CRLF2: variants seen among roughly 807,000 people sequenced by gnomAD.
CRLF2 encodes the protein cytokine receptor-like factor 2.
In CRLF2, 41 loss-of-function variants were observed where a neutral mutation model predicts 38.7. The ratio of observed to expected loss-of-function variants is 1.06; its 90% confidence interval spans 0.83 to 1.37. The LOEUF is 1.37. CRLF2 is among the 40% of genes most tolerant of loss of function. The pLI is 0.00. For missense variants in CRLF2, 377 were observed against 322.2 expected (o/e 1.17, Z -1.30); for synonymous variants, 140 against 128.8 (o/e 1.09, Z -0.59).
At chrX:1,205,112 C>G (rs1172784903) in intron 3 of CRLF2, among the ~76,000 whole-genome samples, 39 of 152,338 alleles carry the variant, frequency 2.6e-4, no homozygotes, top group Admixed American at 3.9e-4. Flanking sequence ...CAGGCGTGAG[C>G]CACCGCGCCC....
rs1367953719 is a variant in CRLF2 at position 1,190,515 on chromosome X, C to T, written c.*382G>A. The T allele has an allele frequency of 4.9e-4, 128 of 262,666 alleles. No individual in the cohort carries two copies. The highest frequency in any genetic ancestry group is 6.9e-4 in the Non-Finnish European group (96 of 139,118). The allele number at this position is 262,666 out of a possible 1,614,324, so 16.3% of individuals were successfully genotyped here. On this transcript the variant is annotated 3_prime_UTR_variant, in exon 8 of 8. Transcript: ENST00000400841. ...GTCTCAAAACAGACAAAAAATCCTCCGAGAATCCAATGCTATGGGAATGGT... is the reference window on the plus strand; with the variant it reads ...GTCTCAAAACAGACAAAAAATCCTCTGAGAATCCAATGCTATGGGAATGGT...
At chrX:1,202,590 A>G in intron 3 of CRLF2, 55 bp from the exon 4 acceptor site, 4 of 1,609,306 alleles carry the variant, frequency 2.5e-6, no homozygotes, top group Non-Finnish European at 3.4e-6. Flanking sequence ...TGATTGTGAC[A>G]GGCTGACCTC....
In CRLF2 at chrX:1,208,945, C is replaced by A. The variant is rs1462885226; in HGVS notation, c.80-37G>T. On this transcript the variant is annotated intron_variant, in intron 1 of 7. Coordinates refer to ENST00000400841, the MANE Select transcript of CRLF2 (RefSeq NM_022148.4). ...GAGACGCATGAAGTTCACGGTGAGG[C>A]AACTCTATTTTTTTATTTTTTTAAA... 8 of 1,124,068 alleles carry A rather than the reference C, an allele frequency of 7.1e-6. No homozygotes were observed. The East Asian group carries it at 1.9e-4, about 26-fold the overall frequency. 69.6% of individuals were successfully genotyped at this position (1,124,068 alleles called of 1,614,324 possible).
intron 7 of CRLF2, among the ~76,000 whole-genome samples, chrX:1,191,634 C>T (rs1249599031): frequency 1.1e-4 from 17 of 151,430 alleles, no homozygotes; most frequent in Non-Finnish European, 1.0e-4. Context: ...CCGGTTCAAG[C>T]GATTCTCCTG....
chrX:1,196,677 G>A, intron 6 of CRLF2, 103 bp downstream of exon 6: 1 of 1,417,528 alleles, frequency 7.1e-7, no homozygotes, highest in Non-Finnish European at 9.6e-7. Context: ...TGGAAACTGA[G>A]GCCCAGGGAA....
intron 3 of CRLF2, among the ~76,000 whole-genome samples, chrX:1,203,334 G>A (rs1288654352): frequency 1.3e-5 from 2 of 151,492 alleles, no homozygotes; most frequent in African/African-American, 4.9e-5. Context: ...GAGCCCCCAG[G>A]AGCTGGGAGA....
At chrX:1,196,484 C>T (rs1302829125) in intron 6 of CRLF2, among the ~76,000 whole-genome samples, 4 of 151,646 alleles carry the variant, frequency 2.6e-5, no homozygotes, top group Admixed American at 6.6e-5. Context: ...CCGTGCCTGA[C>T]CCTAATTTTT....
intron 7 of CRLF2, among the ~76,000 whole-genome samples, chrX:1,192,702 C>CT (rs2086408191): frequency 2.7e-5 from 3 of 112,990 alleles, no homozygotes; most frequent in Non-Finnish European, 3.8e-5. Flanking sequence ...TTTTTCTTTT[C>CT]TTTTCTTTTC....
intron 2 of CRLF2, among the ~76,000 whole-genome samples, chrX:1,208,052 G>A (rs1972693845): frequency 1.3e-5 from 2 of 152,100 alleles, no homozygotes; most frequent in Non-Finnish European, 2.9e-5. Flanking sequence ...TGCAATGTTC[G>A]TACGCATACT....
intron 5 of CRLF2, among the ~76,000 whole-genome samples, chrX:1,198,186 AGGAAG>A (rs2086527968): frequency 1.3e-5 from 1 of 78,630 alleles, no homozygotes; most frequent in African/African-American, 5.9e-5. Context: ...CCCACCTCCC[AGGAAG>A]GCAGGACACC....
chrX:1,192,111 A>G (rs1348035436), intron 7 of CRLF2, among the ~76,000 whole-genome samples: 3 of 147,792 alleles, frequency 2.0e-5, no homozygotes, highest in Non-Finnish European at 1.5e-5. Context: ...AGGCTGAGGC[A>G]GGAGAATGGC....
intron 1 of CRLF2, among the ~76,000 whole-genome samples, chrX:1,211,961 TA>T (rs1442003060): frequency 6.8e-6 from 1 of 146,214 alleles, no homozygotes; most frequent in African/African-American, 2.6e-5. Flanking sequence ...GGATGGATGA[TA>T]GATGGGTGGA....
intron 3 of CRLF2, among the ~76,000 whole-genome samples, chrX:1,205,775 G>T (rs1415323423): frequency 6.6e-6 from 1 of 151,962 alleles, no homozygotes; most frequent in Non-Finnish European, 1.5e-5. Context: ...GTACTGAAAA[G>T]CATGGTGAGC....
chrX:1,202,425 TC>T lies in CRLF2; in HGVS notation c.459del (p.Ser154AlafsTer19). ...ACCTGCCACTCGGTGTCGAAGGGGC[TC>T]CGGTACTGAACCTCATAGAGGAGAT... ...YGDLLYEVQY[R>X]SPFDTEWQSK... On this transcript the variant is annotated frameshift_variant, in exon 4 of 8. Transcript: ENST00000400841. LOFTEE classifies it high-confidence loss of function. The T allele has an allele frequency of 6.2e-7, 1 of 1,613,580 alleles. No homozygotes were observed. The highest frequency in any genetic ancestry group is 8.5e-7 in the Non-Finnish European group (1 of 1,179,628).
At chrX:1,210,579 G>A (rs756261214) in intron 1 of CRLF2, among the ~76,000 whole-genome samples, 11 of 152,234 alleles carry the variant, frequency 7.2e-5, no homozygotes, top group African/African-American at 2.6e-4. Context: ...CAAAGTGCTG[G>A]GATTACAGGC....
At position 1,212,645 on chromosome X, in the gene CRLF2, G is replaced by A. The variant is rs772160509; in HGVS notation, c.-11C>T. ...AACCAGCCGCCCCATGCCTGAAACAGGAGTGGAGAGTGAGGTCCTCAGGGA... is the reference window on the plus strand; with the variant it reads ...AACCAGCCGCCCCATGCCTGAAACAAGAGTGGAGAGTGAGGTCCTCAGGGA... On this transcript the variant is annotated 5_prime_UTR_variant, in exon 1 of 8. Transcript: ENST00000400841. 1.3e-6 allele frequency: 2 copies of A among 1,594,180 alleles called. No homozygotes were observed. The highest frequency in any genetic ancestry group is 8.6e-7 in the Non-Finnish European group (1 of 1,162,198).
intron 6 of CRLF2, among the ~76,000 whole-genome samples, chrX:1,193,781 C>CAAAA (rs1176813644): frequency 1.2e-4 from 7 of 58,970 alleles, no homozygotes; most frequent in African/African-American, 5.1e-4. Context: ...GACTCCATCT[C>CAAAA]AAAAAAAAAA....
At chrX:1,202,306 A>G in intron 4 of CRLF2, 96 bp downstream of exon 4, 1 of 1,423,200 alleles carries the variant, frequency 7.0e-7, no homozygotes, top group Non-Finnish European at 9.8e-7. Flanking sequence ...AGGTGTAGAC[A>G]GAGGGGAGCG....
At position 1,198,544 on chromosome X, in the gene CRLF2, C is replaced by A. The variant is rs1379122891; in HGVS notation, c.646+18G>T. 3.1e-6 allele frequency: 5 copies of A among 1,613,152 alleles called. No homozygotes were observed. Among genetic ancestry groups the A allele is most frequent in the African/African-American group, 1.3e-5 (1 of 74,856 alleles). ...CTGGTGACAAGGCTATGGGACACTG[C>A]CGCGTAACAAGCATTACCCCGAATC... On this transcript the variant is annotated intron_variant, in intron 5 of 7. Transcript: ENST00000400841.
Sources: gnomAD v4.1 joint callset for allele counts (sites outside exome capture counted in the v4.1 genomes callset) on GRCh38, gnomAD v4.1.1 for gene constraint, MANE v1.5 for transcripts, NCBI Gene and HGNC (gene_info 2026-07-23, HGNC 2026-07-21) for gene names.